CBLB: variants seen among roughly 807,000 people sequenced by gnomAD.
CBLB encodes Cbl proto-oncogene B.
Under a neutral mutation model 104.9 loss-of-function variants are expected in CBLB, and 31 were observed. The ratio of observed to expected loss-of-function variants is 0.30; its 90% CI spans 0.22 to 0.40. CBLB has a LOEUF of 0.40. CBLB is among the 10% of genes least tolerant of loss of function. CBLB has a pLI of 1.00. For missense variants in CBLB, 1,062 were observed against 1,214.6 expected, an observed-to-expected ratio of 0.87 and a Z score of 1.87; for synonymous variants, 440 against 422.6, an observed-to-expected ratio of 1.04 and a Z score of -0.51.
At chr3:105,692,097 T>C (rs961048289) in intron 13 of CBLB, among the ~76,000 whole-genome samples, 55 of 152,336 alleles carry the variant, frequency 3.6e-4, no homozygotes, top group Middle Eastern at 3.4e-3. Context: ...TGCATTGATA[T>C]GTATAGTGGG....
At chr3:105,730,040 A>G (rs979595458) in intron 9 of CBLB, among the ~76,000 whole-genome samples, 2 of 152,250 alleles carry the variant, frequency 1.3e-5, no homozygotes, top group Admixed American at 1.3e-4. Context: ...CCACTGAGAT[A>G]CAGAGACTGT....
At chr3:105,663,334 G>A (rs1165675203) in intron 18 of CBLB, among the ~76,000 whole-genome samples, 2 of 152,224 alleles carry the variant, frequency 1.3e-5, no homozygotes, top group African/African-American at 4.8e-5. Flanking sequence ...AGCAAAGGCA[G>A]CAGCCCTGAG....
chr3:105,849,508 C>G (rs1410011919), intron 3 of CBLB, among the ~76,000 whole-genome samples: 1 of 152,100 alleles, frequency 6.6e-6, no homozygotes, highest in Non-Finnish European at 1.5e-5. Context: ...CTATCAAAAT[C>G]TATGGGAATC....
chr3:105,814,388 A>C (rs1251365425), intron 3 of CBLB, among the ~76,000 whole-genome samples: 1 of 152,186 alleles, frequency 6.6e-6, no homozygotes, highest in African/African-American at 2.4e-5. Flanking sequence ...TAACTCTTTT[A>C]AATTCTGTAA....
chr3:105,676,651 T>A (rs980850536), intron 17 of CBLB, among the ~76,000 whole-genome samples: 1 of 152,204 alleles, frequency 6.6e-6, no homozygotes, highest in Non-Finnish European at 1.5e-5. Context: ...TGAAAAAAAA[T>A]AGCGAAATAC....
intron 3 of CBLB, among the ~76,000 whole-genome samples, chr3:105,845,532 A>G (rs2090136245): frequency 6.6e-6 from 1 of 151,878 alleles, no homozygotes; most frequent in South Asian, 2.1e-4. Flanking sequence ...TGTAAAATAT[A>G]CCCTAGAGAG....
chr3:105,793,183 A>G (rs2081890362), intron 3 of CBLB, among the ~76,000 whole-genome samples: 1 of 152,166 alleles, frequency 6.6e-6, no homozygotes, highest in African/African-American at 2.4e-5. Context: ...GCAACATCAC[A>G]GAACAAGGCC....
chr3:105,720,195 G>A lies in CBLB; in HGVS notation c.1259C>T (p.Pro420Leu), dbSNP rs753239632. The A allele has an allele frequency of 6.2e-7, 1 of 1,613,792 alleles. No homozygotes were observed. Among genetic ancestry groups the A allele is most frequent in the Admixed American group, 1.7e-5 (1 of 59,964 alleles). Residue 420 changes from proline to leucine, a missense_variant, in exon 10 of 19, where the codon CCC (proline) becomes CTC (leucine). Coordinates refer to ENST00000394030, the MANE Select transcript of CBLB (RefSeq NM_170662.5). ...FCRCEIKGTE[P>L]IIVDPFDPRD... is the part of the protein sequence containing the mutation. ...TGGATCAAAGGGGTCCACGATTATG[G>A]GCTCAGTTCCTTTTATTTCACAACG... is the stretch of plus-strand genomic sequence containing the variant.
intron 3 of CBLB, among the ~76,000 whole-genome samples, chr3:105,846,112 A>T (rs1299835229): frequency 6.6e-6 from 1 of 152,108 alleles, no homozygotes; most frequent in African/African-American, 2.4e-5. Flanking sequence ...AAATATAGAA[A>T]AAATGAGTAA....
intron 4 of CBLB, among the ~76,000 whole-genome samples, chr3:105,775,861 T>C (rs954087003): frequency 1.3e-5 from 2 of 152,196 alleles, no homozygotes. Context: ...ATATAATCTC[T>C]ATGCAGTAAA....
chr3:105,852,676 C>CAGAGCAACTTG (rs1265067975), intron 3 of CBLB, among the ~76,000 whole-genome samples: 7 of 30,734 alleles, frequency 2.3e-4, no homozygotes, highest in African/African-American at 6.3e-4. Context: ...TCACTCACTT[C>CAGAGCAACTTG]CAGTCTGGCA....
At chr3:105,825,971 A>G (rs2086506560) in intron 3 of CBLB, among the ~76,000 whole-genome samples, 1 of 74,438 alleles carries the variant, frequency 1.3e-5, no homozygotes, top group Non-Finnish European at 2.9e-5. Flanking sequence ...AAATTAAACA[A>G]AATGAATTAG....
chr3:105,784,868 C>T (rs1471657069), intron 3 of CBLB, among the ~76,000 whole-genome samples: 1 of 152,136 alleles, frequency 6.6e-6, no homozygotes, highest in African/African-American at 2.4e-5. Flanking sequence ...CTGTTTTCTC[C>T]CCAAGCTATC....
At chr3:105,769,256 T>C (rs1320087293) in intron 4 of CBLB, among the ~76,000 whole-genome samples, 1 of 152,030 alleles carries the variant, frequency 6.6e-6, no homozygotes, top group Admixed American at 6.5e-5. Flanking sequence ...AGGCAGAGGT[T>C]GCAGTGAGCC....
At chr3:105,755,505 T>TAAA (rs5851472) in intron 4 of CBLB, among the ~76,000 whole-genome samples, 1 of 146,816 alleles carries the variant, frequency 6.8e-6, no homozygotes, top group African/African-American at 2.5e-5. Flanking sequence ...TGATTTCTTT[T>TAAA]AAAAAAAAAA....
chr3:105,726,628 C>A lies in CBLB; in HGVS notation c.1204-6378G>T, dbSNP rs564014531. On this transcript the variant is annotated intron_variant, in intron 9 of 18. Coordinates refer to ENST00000394030, the MANE Select transcript of CBLB (RefSeq NM_170662.5). The stretch of plus-strand genomic sequence containing the variant: ...TGCAGGTTTGTTACACAGGTATACA[C>A]ATGCCATGGTGGTTAGCTGCACCTA... 1.8e-4 allele frequency among the ~76,000 whole-genome samples: 28 copies of A among 151,580 alleles called. No individual in the cohort carries two copies. In the Middle Eastern group the frequency reaches 0.01, roughly 55 times the overall value.
chr3:105,722,478 A>C (rs1490839886), intron 9 of CBLB, among the ~76,000 whole-genome samples: 1 of 152,120 alleles, frequency 6.6e-6, no homozygotes, highest in African/African-American at 2.4e-5. Flanking sequence ...TCACTCTTAG[A>C]TCGTTTTGAA....
At position 105,744,624 on chromosome 3, in the gene CBLB, C is replaced by T. The variant is rs530518737; in HGVS notation, c.845+1293G>A. 2.0e-4 allele frequency among the ~76,000 whole-genome samples: 31 copies of T among 152,022 alleles called. 1 individual carries two copies. In the South Asian group the frequency reaches 2.3e-3, roughly 11 times the overall value. The stretch of plus-strand genomic sequence containing the variant: ...GAGAAGAAAAAATCAGCACTATTGG[C>T]TTGCACTTAAAAAAAAAACTGTTTT... On this transcript the variant is annotated intron_variant, in intron 6 of 18. Coordinates refer to ENST00000394030, the MANE Select transcript of CBLB (RefSeq NM_170662.5).
At chr3:105,754,315 T>G (rs1348348) in intron 4 of CBLB, among the ~76,000 whole-genome samples, 150,778 of 152,222 alleles carry the variant, frequency 0.99, 74,692 homozygotes, top group East Asian at 1. Context: ...TGAGAGGAAG[T>G]GAACCCAGAA....
Sources: allele counts gnomAD v4.1 joint callset (sites outside exome capture counted in the v4.1 genomes callset), GRCh38; gene constraint gnomAD v4.1.1; transcripts MANE v1.5; gene names NCBI Gene and HGNC (gene_info 2026-07-23, HGNC 2026-07-21).